DIRAS3: variants seen among roughly 807,000 people sequenced by gnomAD.
DIRAS3 encodes the protein GTP-binding protein Di-Ras3.
For missense variants in DIRAS3, 248 were observed against 300.6 expected, an observed-to-expected ratio of 0.83 and a Z score of 1.29; for synonymous variants, 133 against 131.4, an observed-to-expected ratio of 1.01 and a Z score of -0.08.
rs1275269107 is a variant in DIRAS3 at position 68,046,641 on chromosome 1, A to G, written c.657T>C (p.Thr219=). ...TTATGCACTTGTCAAGCAGCTTCTC[A>G]GTGGTGTTGGGCATCTGGGATTTCT... is the stretch of plus-strand genomic sequence containing the variant. The part of the protein sequence containing the change: ...PEKKSQMPNT[T]EKLLDKCIIM The change falls in exon 2 of 2, where the codon ACT becomes ACC. Residue 219 remains threonine, a synonymous_variant. Coordinates refer to ENST00000646789, the MANE Select transcript of DIRAS3 (RefSeq NM_004675.5). 6.2e-7 allele frequency: 1 copy of G among 1,614,040 alleles called. No homozygotes were observed. The highest frequency in any genetic ancestry group is 1.7e-5 in the Admixed American group (1 of 60,012).
At chr1:68,049,721 A>G (rs770929953) in intron 1 of DIRAS3, 1 of 152,190 alleles carries the variant, frequency 6.6e-6, no homozygotes, top group Non-Finnish European at 1.5e-5. Context: ...GTATGTACAA[A>G]TTCATTCATA....
rs1301994731 is a variant in DIRAS3 at position 68,046,541 on chromosome 1, T to C, written c.*67A>G. The C allele has an allele frequency of 2.1e-6, 3 of 1,423,590 alleles. No homozygotes were observed. The highest frequency in any genetic ancestry group is 2.0e-5 in the Admixed American group (1 of 50,618). The allele number at this position is 1,423,590 out of a possible 1,614,324, so 88.2% of individuals were successfully genotyped here. On this transcript the variant is annotated 3_prime_UTR_variant, in exon 2 of 2. Transcript: ENST00000646789. ...CAAAATCAACCATGTACATGTAACA[T>C]AGTGAAATGAGTCCACGTTTTCTAC... is the stretch of plus-strand genomic sequence containing the variant.
In DIRAS3 at chr1:68,046,502, T is replaced by G; in HGVS notation, c.*106A>C. ...CGTATTGACAACATGGATGTTACAG[T>G]CCAAACAACAGCACAAAATCAACCA... On this transcript the variant is annotated 3_prime_UTR_variant, in exon 2 of 2. Coordinates refer to ENST00000646789, the MANE Select transcript of DIRAS3 (RefSeq NM_004675.5). 1 of 1,094,834 alleles carries G rather than the reference T, an allele frequency of 9.1e-7. No homozygotes were observed. The highest frequency in any genetic ancestry group is 1.5e-5 in the South Asian group (1 of 65,636). 67.8% of individuals were successfully genotyped at this position (1,094,834 alleles called of 1,614,324 possible).
At chr1:68,047,907 C>T (rs1323493039) in intron 1 of DIRAS3, among the ~76,000 whole-genome samples, 1 of 146,994 alleles carries the variant, frequency 6.8e-6, no homozygotes, top group African/African-American at 2.5e-5. Context: ...TCAGTGCAGC[C>T]CCAGAAGAGG....
Position 68,046,567 on chromosome 1 carries a change from A to G in DIRAS3, c.*41T>C, listed in dbSNP as rs769552472. 5 of 1,561,094 alleles carry G rather than the reference A, an allele frequency of 3.2e-6. No individual in the cohort carries two copies. The highest frequency in any genetic ancestry group is 3.8e-5 in the Admixed American group (2 of 52,338). ...AGTGAAATGAGTCCACGTTTTCTAC[A>G]CGCTACAGGATAGGAAGAGCTGGCT... On this transcript the variant is annotated 3_prime_UTR_variant, in exon 2 of 2. Transcript: ENST00000646789.
rs755322060 is a variant in DIRAS3 at position 68,047,299 on chromosome 1, G to A, written c.-2C>T. The A allele has an allele frequency of 3.8e-5, 62 of 1,611,424 alleles. No homozygotes were observed. Among genetic ancestry groups the A allele is most frequent in the Non-Finnish European group, 5.0e-5 (59 of 1,178,518 alleles). Reference sequence around the variant, plus strand: ...GGAGCCAAAGCTGGCGTTACCCATCGTTGGGATTCGGAGGGGAGATACGTG... The same window carrying A: ...GGAGCCAAAGCTGGCGTTACCCATCATTGGGATTCGGAGGGGAGATACGTG... On this transcript the variant is annotated 5_prime_UTR_variant, in exon 2 of 2. It adds an upstream start codon to the 5' untranslated region. Coordinates refer to ENST00000646789, the MANE Select transcript of DIRAS3 (RefSeq NM_004675.5).
At chr1:68,048,036 A>T (rs1375087523) in intron 1 of DIRAS3, among the ~76,000 whole-genome samples, 32 of 63,822 alleles carry the variant, frequency 5.0e-4, no homozygotes, top group African/African-American at 2.3e-3. Flanking sequence ...AAAAAAAAAA[A>T]AAAAAAAAAA....
chr1:68,050,307 A>G lies in DIRAS3; in HGVS notation c.-66+241T>C, dbSNP rs1214095721. Among the ~76,000 whole-genome samples the G allele has an allele frequency of 5.9e-5, 9 of 152,124 alleles. No individual in the cohort carries two copies. In the East Asian group the frequency reaches 1.7e-3, roughly 29 times the overall value. On this transcript the variant is annotated intron_variant, in intron 1 of 1. Coordinates refer to ENST00000646789, the MANE Select transcript of DIRAS3 (RefSeq NM_004675.5). This position sits in a 1 kb window ranked among gnomAD's most constrained non-coding sequence, Gnocchi z 4.5. ...AACCTTTAAGCTCGCACACTTATCA[A>G]ACCTCGTTCTTCTATATTAAAAAGT...
chr1:68,049,646 A>G (rs2100334477), intron 1 of DIRAS3: 1 of 152,376 alleles, frequency 6.6e-6, no homozygotes, highest in Non-Finnish European at 1.5e-5. Flanking sequence ...GGCCACCAAC[A>G]TCCCACATTA....
rs751171689 is a variant in DIRAS3 at position 68,047,120 on chromosome 1, C to A, written c.178G>T (p.Gly60Cys). The A allele has an allele frequency of 2.5e-6, 4 of 1,614,164 alleles. No individual in the cohort carries two copies. The highest frequency in any genetic ancestry group is 3.4e-6 in the Non-Finnish European group (4 of 1,180,042). The change falls in exon 2 of 2, where the codon GGC becomes TGC. Residue 60 changes from glycine (G) to cysteine (C), a missense_variant. Physicochemically the swap from Gly to Cys is radical, Grantham distance 159 (BLOSUM62 -3). Coordinates refer to ENST00000646789, the MANE Select transcript of DIRAS3 (RefSeq NM_004675.5). ...KSTLLHKWAS[G>C]NFRHEYLPTI... ...GGCAGGTACTCATGACGGAAGTTGC[C>A]GCTCGCCCACTTGTGCAGCAGCGTA... is the stretch of plus-strand genomic sequence containing the variant.
chr1:68,048,652 G>A (rs1432267434), intron 1 of DIRAS3, among the ~76,000 whole-genome samples: 1 of 151,870 alleles, frequency 6.6e-6, no homozygotes, highest in African/African-American at 2.4e-5. Flanking sequence ...TACTCTCCCA[G>A]TACTGGGGAA....
At chr1:68,048,033 AAAAAAAAAAAAAAAAAATATATAT>A (rs1408521823) in intron 1 of DIRAS3, among the ~76,000 whole-genome samples, 6 of 55,296 alleles carry the variant, frequency 1.1e-4, no homozygotes, top group African/African-American at 4.2e-4. Context: ...AAAAAAAAAA[AAAAAAAAAAAAAAAAAATATATAT>A]ATATATATAT....
At position 68,046,259 on chromosome 1, in the gene DIRAS3, C is replaced by A; in HGVS notation, c.*349G>T. The A allele has an allele frequency of 5.1e-6, 1 of 194,446 alleles. No individual in the cohort carries two copies. Among genetic ancestry groups the A allele is most frequent in the South Asian group, 1.1e-4 (1 of 9,422 alleles). 12.0% of individuals were successfully genotyped at this position (194,446 alleles called of 1,614,324 possible). A position where few individuals can be genotyped will look rare whatever the true frequency, so the allele number is the denominator to read the frequency against. ...ATGTGAAATATTTAAAGGTAATACA[C>A]AATAATCGGGTTACCAAAAGGACGC... On this transcript the variant is annotated 3_prime_UTR_variant, in exon 2 of 2. Coordinates refer to ENST00000646789, the MANE Select transcript of DIRAS3 (RefSeq NM_004675.5).
In DIRAS3 at chr1:68,047,216, C is replaced by A. The variant is rs35600387; in HGVS notation, c.82G>T (p.Ala28Ser). The change falls in exon 2 of 2, where the codon GCC (alanine) becomes TCC (serine). Residue 28 changes from alanine (A) to serine (S), a missense_variant. Coordinates refer to ENST00000646789, the MANE Select transcript of DIRAS3 (RefSeq NM_004675.5). ...RLLPALLILR[A>S]FKPHRKIRDY... ...CTGATCTTCCTGTGGGGCTTGAAGG[C>A]GCGGAGGATAAGCAGGGCGGGCAGA... The A allele has an allele frequency of 0.025, 40,154 of 1,614,030 alleles. 612 individuals carry two copies. The highest frequency in any genetic ancestry group is 0.068 in the Middle Eastern group (412 of 6,062).
intron 1 of DIRAS3, among the ~76,000 whole-genome samples, chr1:68,048,746 T>G (rs200869292): frequency 0.012 from 1,530 of 127,940 alleles, 13 homozygotes; most frequent in African/African-American, 0.047. Context: ...TTTTTTTTTG[T>G]TTTTTTTTTT....
chr1:68,048,532 A>G (rs1426627083), intron 1 of DIRAS3, among the ~76,000 whole-genome samples: 2 of 152,160 alleles, frequency 1.3e-5, no homozygotes, highest in Non-Finnish European at 2.9e-5. Context: ...CTCTTCAGGT[A>G]CAGCTATGAT....
At chr1:68,047,477 T>C (rs1287686643) in intron 1 of DIRAS3, 115 bp from the exon 2 acceptor site, 3 of 619,008 alleles carry the variant, frequency 4.8e-6, no homozygotes, top group Non-Finnish European at 8.4e-6. Context: ...CCCTGTGACG[T>C]AAAGGGGTGC....
In DIRAS3 at chr1:68,046,626, G is replaced by A; in HGVS notation, c.672C>T (p.Asp224=). 6.2e-7 allele frequency: 1 copy of A among 1,614,046 alleles called. No homozygotes were observed. The highest frequency in any genetic ancestry group is 8.5e-7 in the Non-Finnish European group (1 of 1,180,004). ...CCAGGGCTCACATGATTATGCACTTGTCAAGCAGCTTCTCAGTGGTGTTGG... is the reference window on the plus strand; with the variant it reads ...CCAGGGCTCACATGATTATGCACTTATCAAGCAGCTTCTCAGTGGTGTTGG... ...QMPNTTEKLL[D]KCIIM is the part of the protein sequence containing the mutation. The change falls in exon 2 of 2, where the codon GAC becomes GAT. Residue 224 remains aspartate (D), a synonymous_variant. Coordinates refer to ENST00000646789, the MANE Select transcript of DIRAS3 (RefSeq NM_004675.5).
In DIRAS3 at chr1:68,050,298, C is replaced by T. The variant is rs953865219; in HGVS notation, c.-66+250G>A. On this transcript the variant is annotated intron_variant, in intron 1 of 1. Transcript: ENST00000646789. The surrounding 1 kb of genome is among the most constrained non-coding windows in gnomAD (Gnocchi z 4.5). ...CACTGTGTCAACCTTTAAGCTCGCA[C>T]ACTTATCAAACCTCGTTCTTCTATA... is the stretch of plus-strand genomic sequence containing the variant. 1.3e-5 allele frequency among the ~76,000 whole-genome samples: 2 copies of T among 152,192 alleles called. No individual in the cohort carries two copies. Among genetic ancestry groups the T allele is most frequent in the African/African-American group, 4.8e-5 (2 of 41,456 alleles).
Sources: gnomAD v4.1 joint callset for allele counts (sites outside exome capture counted in the v4.1 genomes callset) on GRCh38, gnomAD v4.1.1 for gene constraint, Gnocchi (gnomAD v3.1) non-coding constraint, MANE v1.5 for transcripts, NCBI Gene and HGNC (gene_info 2026-07-23, HGNC 2026-07-21) for gene names.